ERGIC1: variants seen among roughly 807,000 people sequenced by gnomAD.
The protein encoded by ERGIC1 is endoplasmic reticulum-Golgi intermediate compartment protein 1.
In ERGIC1, 19 loss-of-function variants were observed where a neutral mutation model predicts 38.3. That is an observed-to-expected ratio of 0.50 (90% CI 0.35 to 0.73). ERGIC1 has a LOEUF of 0.73. Ranked by LOEUF, ERGIC1 falls within the 30% of genes least tolerant of loss-of-function variation. The probability of loss-of-function intolerance (pLI) is 0.01; values close to 1 mark genes in which losing one functional copy is unlikely to be tolerated. For missense variants in ERGIC1, 294 were observed against 389.2 expected (o/e 0.76, Z 2.06); for synonymous variants, 124 against 157.6 (o/e 0.79, Z 1.60).
At chr5:172,912,158 T>G (rs1261410030) in intron 4 of ERGIC1, among the ~76,000 whole-genome samples, 2 of 152,150 alleles carry the variant, frequency 1.3e-5, no homozygotes, top group East Asian at 3.9e-4. Flanking sequence ...CAGCTGCCAT[T>G]TATTCCATTC....
At chr5:172,894,180 C>T (rs576226915) in intron 2 of ERGIC1, among the ~76,000 whole-genome samples, 2 of 95,286 alleles carry the variant, frequency 2.1e-5, no homozygotes, top group Admixed American at 2.4e-4. Context: ...GAATGCTTCC[C>T]CGGTACAACT....
chr5:172,892,599 C>A (rs1325624706), intron 2 of ERGIC1, among the ~76,000 whole-genome samples: 1 of 152,128 alleles, frequency 6.6e-6, no homozygotes, highest in Non-Finnish European at 1.5e-5. Context: ...CTGTCCGATG[C>A]CTGAGTCAGT....
At chr5:172,840,533 T>C (rs1255735717) in intron 1 of ERGIC1, among the ~76,000 whole-genome samples, 1 of 152,032 alleles carries the variant, frequency 6.6e-6, no homozygotes, top group Non-Finnish European at 1.5e-5. Flanking sequence ...GTGCTCTGAA[T>C]TGGGAGAAGC....
rs138120045 is a variant in ERGIC1 at position 172,861,522 on chromosome 5, G to A, written c.20+27089G>A. ...TGGCACTTGTGGATGCTGACTACTC[G>A]TTGGCTGAATGAATGAACCTCAGTT... On this transcript the variant is annotated intron_variant, in intron 1 of 9. Coordinates refer to ENST00000393784, the MANE Select transcript of ERGIC1 (RefSeq NM_001031711.3). Among the ~76,000 whole-genome samples the A allele has an allele frequency of 4.9e-4, 74 of 152,302 alleles. No homozygotes were observed. In the East Asian group the frequency reaches 0.011, roughly 23 times the overall value.
intron 9 of ERGIC1, among the ~76,000 whole-genome samples, chr5:172,939,086 C>A (rs376810127): frequency 6.6e-6 from 1 of 151,192 alleles, no homozygotes; most frequent in Admixed American, 6.6e-5. Context: ...AAAAAGAAAT[C>A]ACTTGGCAAG....
At chr5:172,938,689 G>A (rs1208852523) in intron 9 of ERGIC1, among the ~76,000 whole-genome samples, 5 of 150,870 alleles carry the variant, frequency 3.3e-5, no homozygotes, top group African/African-American at 4.9e-5. Context: ...GAAGGCGGAC[G>A]TTGCAGTGAG....
At chr5:172,870,188 C>G (rs1392934384) in intron 1 of ERGIC1, among the ~76,000 whole-genome samples, 1 of 152,228 alleles carries the variant, frequency 6.6e-6, no homozygotes, top group African/African-American at 2.4e-5. Flanking sequence ...AGAAGTGTTT[C>G]CTTTGCTTTG....
At chr5:172,920,536 G>C (rs1433877194) in intron 5 of ERGIC1, 1 of 694,952 alleles carries the variant, frequency 1.4e-6, no homozygotes, top group African/African-American at 1.8e-5. Flanking sequence ...ATCCATCAGA[G>C]ACACTGACGT....
chr5:172,925,458 T>C (rs963702732), intron 6 of ERGIC1, among the ~76,000 whole-genome samples: 1 of 152,132 alleles, frequency 6.6e-6, no homozygotes, highest in Non-Finnish European at 1.5e-5. Context: ...TGTTGAGGAA[T>C]TGCTTGTTGA....
intron 9 of ERGIC1, among the ~76,000 whole-genome samples, chr5:172,943,804 G>GAGT (rs1764061596): frequency 6.6e-6 from 1 of 152,248 alleles, no homozygotes; most frequent in South Asian, 2.1e-4. Flanking sequence ...ATGGGGAGGG[G>GAGT]AGTAATGATG....
chr5:172,946,236 T>G (rs1319220730), intron 9 of ERGIC1, among the ~76,000 whole-genome samples: 2 of 152,216 alleles, frequency 1.3e-5, no homozygotes, highest in Non-Finnish European at 2.9e-5. Flanking sequence ...CTCCTCTGTG[T>G]GAACAGCAAC....
At position 172,834,326 on chromosome 5, in the gene ERGIC1, G is replaced by C. The variant is rs1760973940; in HGVS notation, c.-88G>C. On this transcript the variant is annotated 5_prime_UTR_variant, in exon 1 of 10. Transcript: ENST00000393784. This position sits in a 1 kb window ranked among gnomAD's most constrained non-coding sequence, Gnocchi z 4.1. ...GGGGGCGGCCGGCGGGGGCGGGGCG[G>C]CCGGAGGAGGCGTTGGCAGCGGGCT... 8.7e-7 allele frequency: 1 copy of C among 1,155,690 alleles called. No homozygotes were observed. The highest frequency in any genetic ancestry group is 1.1e-6 in the Non-Finnish European group (1 of 935,518). The allele number at this position is 1,155,690 out of a possible 1,614,324, so 71.6% of individuals were successfully genotyped here. A position where few individuals can be genotyped will look rare whatever the true frequency, so the allele number is the denominator to read the frequency against.
At chr5:172,875,728 A>G (rs1353845207) in intron 1 of ERGIC1, among the ~76,000 whole-genome samples, 1 of 152,120 alleles carries the variant, frequency 6.6e-6, no homozygotes, top group Non-Finnish European at 1.5e-5. Flanking sequence ...TAAGTAACAG[A>G]TTACAGTCAT....
chr5:172,873,492 C>T (rs1762068898), intron 1 of ERGIC1, among the ~76,000 whole-genome samples: 2 of 152,370 alleles, frequency 1.3e-5, no homozygotes, highest in South Asian at 2.1e-4. Flanking sequence ...TCCTTAGCTC[C>T]GTGGACCCTG....
chr5:172,858,186 G>A (rs78188919), intron 1 of ERGIC1, among the ~76,000 whole-genome samples: 1 of 152,212 alleles, frequency 6.6e-6, no homozygotes, highest in Non-Finnish European at 1.5e-5. Context: ...GGGAGGCCCA[G>A]GTGGAGGGAG....
At chr5:172,934,861 C>T (rs1307842964) in intron 8 of ERGIC1, 2 of 353,322 alleles carry the variant, frequency 5.7e-6, no homozygotes, top group African/African-American at 2.1e-5. Flanking sequence ...TCGCGTGGCC[C>T]AGAGGTTGAA....
intron 1 of ERGIC1, among the ~76,000 whole-genome samples, chr5:172,880,319 T>A (rs1266770353): frequency 1.3e-5 from 2 of 151,880 alleles, no homozygotes; most frequent in Non-Finnish European, 2.9e-5. Context: ...AAAATTATTA[T>A]TATTATTTTA....
intron 1 of ERGIC1, among the ~76,000 whole-genome samples, chr5:172,870,803 T>C (rs916628975): frequency 3.9e-5 from 6 of 152,164 alleles, no homozygotes; most frequent in African/African-American, 1.4e-4. Flanking sequence ...AAAGCCTCAT[T>C]GCTGGTGGGT....
intron 1 of ERGIC1, among the ~76,000 whole-genome samples, chr5:172,877,675 C>T (rs1195395284): frequency 6.6e-6 from 1 of 151,978 alleles, no homozygotes; most frequent in Non-Finnish European, 1.5e-5. Flanking sequence ...GTGTCATTTT[C>T]CCATCTAGCT....
Sources: allele counts gnomAD v4.1 joint callset (sites outside exome capture counted in the v4.1 genomes callset), GRCh38; gene constraint gnomAD v4.1.1; non-coding constraint Gnocchi (gnomAD v3.1); transcripts MANE v1.5; gene names NCBI Gene and HGNC (gene_info 2026-07-23, HGNC 2026-07-21).